The following RGS6 variants were observed in gnomAD, a reference collection of about 807,000 sequenced individuals.
RGS6 encodes regulator of G-protein signaling 6.
RGS6 carries 30 observed loss-of-function variants against 78.5 expected under a neutral mutation model. That is an observed-to-expected ratio of 0.38 (90% CI 0.29 to 0.52). RGS6 has a LOEUF of 0.52. Ranked by LOEUF, RGS6 falls within the 20% of genes least tolerant of loss-of-function variation. The pLI is 0.85. For missense variants in RGS6, 495 were observed against 609.7 expected, an observed-to-expected ratio of 0.81 and a Z score of 1.98; for synonymous variants, 206 against 206.0, an observed-to-expected ratio of 1.00 and a Z score of 0.00.
intron 1 of RGS6, among the ~76,000 whole-genome samples, chr14:71,959,815 C>T (rs2093059341): frequency 6.6e-6 from 1 of 152,164 alleles, no homozygotes; most frequent in South Asian, 2.1e-4. Flanking sequence ...TGTGCTGGGG[C>T]ATTTCCATGA....
chr14:71,983,825 A>G (rs720391), intron 2 of RGS6, among the ~76,000 whole-genome samples: 11,442 of 152,306 alleles, frequency 0.075, 549 homozygotes, highest in East Asian at 0.2. Flanking sequence ...GTTTAGGACT[A>G]CAAAATATCT....
intron 3 of RGS6, among the ~76,000 whole-genome samples, chr14:72,430,335 C>T (rs2094576489): frequency 6.6e-6 from 1 of 152,202 alleles, no homozygotes; most frequent in African/African-American, 2.4e-5. Flanking sequence ...TTTAACTTGC[C>T]TCTTTCTTCA....
At chr14:71,982,464 C>T (rs2094513947) in intron 2 of RGS6, among the ~76,000 whole-genome samples, 2 of 151,956 alleles carry the variant, frequency 1.3e-5, no homozygotes, top group African/African-American at 4.8e-5. Context: ...TTACCTTAAT[C>T]AAGTCAGACA....
chr14:72,350,118 A>G (rs963760423), intron 2 of RGS6, among the ~76,000 whole-genome samples: 1 of 152,228 alleles, frequency 6.6e-6, no homozygotes, highest in Admixed American at 6.5e-5. Flanking sequence ...TTCAGTTTTC[A>G]TCTAACAGAA....
the RGS6 span, among the ~76,000 whole-genome samples, chr14:72,592,530 A>G: frequency 6.6e-6 from 1 of 152,246 alleles, no homozygotes. Flanking sequence ...TCAAGGAAAG[A>G]GCTAAAAACT....
intron 2 of RGS6, among the ~76,000 whole-genome samples, chr14:72,059,569 T>C (rs2093788127): frequency 6.6e-6 from 1 of 152,202 alleles, no homozygotes; most frequent in Admixed American, 6.5e-5. Flanking sequence ...GGTCATTGTT[T>C]CGCTGCCACC....
At chr14:72,303,413 A>G (rs1435365848) in intron 2 of RGS6, among the ~76,000 whole-genome samples, 3 of 152,182 alleles carry the variant, frequency 2.0e-5, no homozygotes, top group Admixed American at 6.5e-5. Context: ...AGGCAGGAGA[A>G]TTGCTTGAAC....
chr14:72,437,881 G>A (rs1250962471), intron 3 of RGS6, among the ~76,000 whole-genome samples: 1 of 152,180 alleles, frequency 6.6e-6, no homozygotes, highest in Non-Finnish European at 1.5e-5. Flanking sequence ...ATACTTCAGG[G>A]AGTCTGCTGT....
intron 2 of RGS6, among the ~76,000 whole-genome samples, chr14:72,235,354 C>G (rs74062461): frequency 1.3e-5 from 2 of 152,170 alleles, no homozygotes; most frequent in Non-Finnish European, 2.9e-5. Flanking sequence ...GTCCCTACAT[C>G]GTCTTAAAGA....
chr14:72,441,284 T>G (rs2095188264), intron 3 of RGS6, among the ~76,000 whole-genome samples: 1 of 152,200 alleles, frequency 6.6e-6, no homozygotes, highest in African/African-American at 2.4e-5. Context: ...TTCCTCTCCC[T>G]GCAGGAACCA....
intron 17 of RGS6, among the ~76,000 whole-genome samples, chr14:72,560,414 G>A (rs2097655592): frequency 6.6e-6 from 1 of 152,182 alleles, no homozygotes; most frequent in Non-Finnish European, 1.5e-5. Flanking sequence ...TGTTTCCCCA[G>A]CAAGGATGCC....
chr14:72,235,599 G>A (rs560669174), intron 2 of RGS6, among the ~76,000 whole-genome samples: 1 of 152,216 alleles, frequency 6.6e-6, no homozygotes, highest in East Asian at 1.9e-4. Flanking sequence ...CATTTACCTG[G>A]TAGCAGCCAC....
rs149281677 is a variant in RGS6, at chr14:72,521,219, G to A, written c.1278+2682G>A. Among the ~76,000 whole-genome samples the A allele has an allele frequency of 3.8e-3, 576 of 152,170 alleles. 5 individuals are homozygous for A. Among genetic ancestry groups the A allele is most frequent in the African/African-American group, 0.013 (546 of 41,496 alleles). ...TATGCTGACAATCCTGACTTTCAAGGGCACTGGATGATAGCATAATTACTC... is the reference window on the plus strand; with the variant it reads ...TATGCTGACAATCCTGACTTTCAAGAGCACTGGATGATAGCATAATTACTC... On this transcript the variant is annotated intron_variant, in intron 15 of 17. Transcript: ENST00000553525.
chr14:72,119,750 A>T (rs911871226), intron 2 of RGS6, among the ~76,000 whole-genome samples: 2 of 152,218 alleles, frequency 1.3e-5, no homozygotes, highest in African/African-American at 4.8e-5. Flanking sequence ...AGGTATATGC[A>T]CAAGGAGCTC....
chr14:72,133,459 G>C (rs113655200), intron 2 of RGS6, among the ~76,000 whole-genome samples: 1 of 152,180 alleles, frequency 6.6e-6, no homozygotes, highest in Non-Finnish European at 1.5e-5. Flanking sequence ...ATCGGTAAAC[G>C]CTGACCATAC....
chr14:72,543,111 C>T (rs2097348130), intron 17 of RGS6, among the ~76,000 whole-genome samples: 1 of 152,148 alleles, frequency 6.6e-6, no homozygotes. Flanking sequence ...ACCACAAACC[C>T]TGCTTATTTG....
At chr14:72,385,032 G>A (rs2087478366) in intron 3 of RGS6, among the ~76,000 whole-genome samples, 1 of 152,162 alleles carries the variant, frequency 6.6e-6, no homozygotes, top group African/African-American at 2.4e-5. Flanking sequence ...TTACAGGCGT[G>A]AGCCATGGTG....
At chr14:72,299,650 C>T (rs2065635420) in intron 2 of RGS6, among the ~76,000 whole-genome samples, 1 of 152,192 alleles carries the variant, frequency 6.6e-6, no homozygotes, top group Non-Finnish European at 1.5e-5. Context: ...TTGGTGTCAT[C>T]TATCTTTTTT....
chr14:72,280,065 A>G (rs548910261), intron 2 of RGS6, among the ~76,000 whole-genome samples: 1 of 152,210 alleles, frequency 6.6e-6, no homozygotes, highest in East Asian at 1.9e-4. Context: ...CCTGCTTATC[A>G]TTATTGGAGG....
Sources: allele counts gnomAD v4.1 joint callset (sites outside exome capture counted in the v4.1 genomes callset), GRCh38; gene constraint gnomAD v4.1.1; transcripts MANE v1.5; gene names NCBI Gene and HGNC (gene_info 2026-07-23, HGNC 2026-07-21).